Variants in SLC23A2 observed in about 807,000 individuals in gnomAD.
SLC23A2 encodes the protein Na(+)/L-ascorbic acid transporter 2.
SLC23A2 carries 36 observed loss-of-function variants against 73.3 expected under a neutral mutation model. The ratio of observed to expected loss-of-function variants is 0.49; its 90% CI spans 0.38 to 0.65. The LOEUF is 0.65. Ranked by LOEUF, SLC23A2 falls within the 30% of genes least tolerant of loss-of-function variation. SLC23A2 has a pLI of 0.00. For synonymous variants in SLC23A2, 343 were observed against 327.3 expected (o/e 1.05, Z -0.52); for missense variants, 507 against 841.6 (o/e 0.60, Z 4.92).
intron 2 of SLC23A2, among the ~76,000 whole-genome samples, chr20:4,939,979 AC>A (rs200287984): frequency 1.4e-4 from 21 of 152,028 alleles, no homozygotes; most frequent in Non-Finnish European, 2.1e-4. Flanking sequence ...ATCCATTAAT[AC>A]CCCCCCAACA....
At chr20:4,919,707 A>G (rs1442433542) in intron 3 of SLC23A2, among the ~76,000 whole-genome samples, 1 of 152,216 alleles carries the variant, frequency 6.6e-6, no homozygotes, top group Non-Finnish European at 1.5e-5. Context: ...TCCTGTCCCC[A>G]GATGGATTCA....
chr20:4,880,130 G>C (rs1172127985), intron 9 of SLC23A2, among the ~76,000 whole-genome samples: 1 of 152,200 alleles, frequency 6.6e-6, no homozygotes, highest in Non-Finnish European at 1.5e-5. Flanking sequence ...AATGGTCCAT[G>C]GTTCTCCTTT....
At chr20:4,892,371 G>C (rs1316613687) in intron 6 of SLC23A2, among the ~76,000 whole-genome samples, 1 of 151,996 alleles carries the variant, frequency 6.6e-6, no homozygotes, top group African/African-American at 2.4e-5. Context: ...ACTTTTAGTA[G>C]AGATGAGGTT....
At position 4,989,812 on chromosome 20, in the gene SLC23A2, A is replaced by G. The variant is rs183483182; in HGVS notation, c.-282+11594T>C. ...TAGATTTGGGGATTAGAAATGCTCA[A>G]TGTGTATTATGATTACCTATCTAAG... On this transcript the variant is annotated intron_variant, in intron 1 of 16. Coordinates refer to ENST00000338244, the MANE Select transcript of SLC23A2 (RefSeq NM_005116.6). Among the ~76,000 whole-genome samples the G allele has an allele frequency of 2.2e-3, 337 of 152,304 alleles. 1 individual carries two copies. The highest frequency in any genetic ancestry group is 7.6e-3 in the African/African-American group (316 of 41,562).
intron 6 of SLC23A2, among the ~76,000 whole-genome samples, chr20:4,894,996 T>C (rs1475481361): frequency 6.6e-6 from 1 of 152,210 alleles, no homozygotes; most frequent in Non-Finnish European, 1.5e-5. Context: ...GCACAGGCCA[T>C]GGTTTGTCCT....
chr20:5,004,789 C>T (rs1048878064), upstream of SLC23A2, among the ~76,000 whole-genome samples: 23 of 152,094 alleles, frequency 1.5e-4, no homozygotes, highest in Non-Finnish European at 2.5e-4. Flanking sequence ...CACCTGAGGT[C>T]GGGAGTTCGA....
intron 2 of SLC23A2, among the ~76,000 whole-genome samples, chr20:4,966,470 C>T (rs1219067725): frequency 6.6e-6 from 1 of 152,078 alleles, no homozygotes; most frequent in African/African-American, 2.4e-5. Flanking sequence ...GTTGGTCCAA[C>T]TGGTATGTGC....
intron 1 of SLC23A2, among the ~76,000 whole-genome samples, chr20:4,996,469 C>CCA (rs1600217514): frequency 6.6e-6 from 1 of 151,882 alleles, no homozygotes; most frequent in Non-Finnish European, 1.5e-5. Flanking sequence ...GGGCGGATCA[C>CCA]GAGGTCAGGA....
intron 6 of SLC23A2, among the ~76,000 whole-genome samples, chr20:4,895,796 C>G (rs1209064443): frequency 6.6e-6 from 1 of 152,184 alleles, no homozygotes; most frequent in South Asian, 2.1e-4. Flanking sequence ...TTGGTGAGCA[C>G]CCCTAGAACA....
rs1270977500 is a variant in SLC23A2, at chr20:4,855,759, A to C, written c.*1213T>G. 1 of 152,644 alleles carries C rather than the reference A, an allele frequency of 6.6e-6. No homozygotes were observed. Among genetic ancestry groups the C allele is most frequent in the African/African-American group, 2.4e-5 (1 of 41,446 alleles). The allele number at this position is 152,644 out of a possible 1,614,324, so 9.5% of individuals were successfully genotyped here. A position where few individuals can be genotyped will look rare whatever the true frequency, so the allele number is the denominator to read the frequency against. On this transcript the variant is annotated 3_prime_UTR_variant, in exon 17 of 17. Coordinates refer to ENST00000338244, the MANE Select transcript of SLC23A2 (RefSeq NM_005116.6). ...CCAGCTTCCCTTCTTCACAAAACAA[A>C]TTCACGTGTAACTTGACCCATGGTT...
chr20:4,894,274 C>T (rs1025303033), intron 6 of SLC23A2, among the ~76,000 whole-genome samples: 9 of 152,140 alleles, frequency 5.9e-5, no homozygotes, highest in African/African-American at 2.2e-4. Context: ...GAGGGAATGC[C>T]ATGAGGAAGG....
At chr20:4,964,873 G>A in intron 2 of SLC23A2, among the ~76,000 whole-genome samples, 1 of 139,232 alleles carries the variant, frequency 7.2e-6, no homozygotes, top group Admixed American at 7.5e-5. Context: ...GGAAGGAAGA[G>A]AAGAGTAGAA....
intron 4 of SLC23A2, among the ~76,000 whole-genome samples, chr20:4,911,645 T>G (rs1052878920): frequency 6.6e-6 from 1 of 152,160 alleles, no homozygotes; most frequent in Admixed American, 6.5e-5. Context: ...AGCTGAAAAT[T>G]AGTAAATTTT....
rs1932564978 is a variant in SLC23A2, at chr20:4,923,367, T to C, written c.108+9088A>G. Among the ~76,000 whole-genome samples the C allele has an allele frequency of 1.3e-5, 2 of 152,200 alleles. 1 individual carries two copies. The highest frequency in any genetic ancestry group is 4.1e-4 in the South Asian group (2 of 4,832). ...TGATGTTTTCATTTCAAAGCATATA[T>C]TGGCATATTCCTTTTCTAACACTTT... On this transcript the variant is annotated intron_variant, in intron 3 of 16. Coordinates refer to ENST00000338244, the MANE Select transcript of SLC23A2 (RefSeq NM_005116.6).
Position 5,001,476 on chromosome 20 carries a change from C to T in SLC23A2, c.-352G>A, listed in dbSNP as rs2088125196. On this transcript the variant is annotated 5_prime_UTR_variant, in exon 1 of 17. Transcript: ENST00000338244. ...GCCGCAGTGCCCGCTGCAGCCTCCG[C>T]CTCCGGTCCCCGCGACAGCCGCCTG... 1 of 149,852 alleles carries T rather than the reference C, an allele frequency of 6.7e-6. No individual in the cohort carries two copies. Among genetic ancestry groups the T allele is most frequent in the African/African-American group, 2.4e-5 (1 of 41,128 alleles). The allele number at this position is 149,852 out of a possible 1,614,324, so 9.3% of individuals were successfully genotyped here. A position where few individuals can be genotyped will look rare whatever the true frequency, so the allele number is the denominator to read the frequency against.
At chr20:4,949,000 CAT>C in intron 2 of SLC23A2, among the ~76,000 whole-genome samples, 1 of 152,038 alleles carries the variant, frequency 6.6e-6, no homozygotes, top group Admixed American at 6.6e-5. Flanking sequence ...AGAAGGAAAA[CAT>C]AGGCTGGGCA....
chr20:4,957,576 T>C (rs932450892), intron 2 of SLC23A2, among the ~76,000 whole-genome samples: 1 of 127,790 alleles, frequency 7.8e-6, no homozygotes. Flanking sequence ...GCTAAAACTA[T>C]AACCTCAAAA....
chr20:4,979,875 G>A (rs1568653530), intron 1 of SLC23A2, among the ~76,000 whole-genome samples: 1 of 151,970 alleles, frequency 6.6e-6, no homozygotes, highest in African/African-American at 2.4e-5. Context: ...CCAGGCAAAT[G>A]GGGAAAATAT....
At chr20:4,987,916 T>A (rs1407931505) in intron 1 of SLC23A2, among the ~76,000 whole-genome samples, 1 of 151,782 alleles carries the variant, frequency 6.6e-6, no homozygotes, top group African/African-American at 2.4e-5. Flanking sequence ...TAAAGAATAT[T>A]TACAATATTG....
Sources: allele counts gnomAD v4.1 joint callset (sites outside exome capture counted in the v4.1 genomes callset), GRCh38; gene constraint gnomAD v4.1.1; transcripts MANE v1.5; gene names NCBI Gene and HGNC (gene_info 2026-07-23, HGNC 2026-07-21).